Variants in DCTN5 observed in about 807,000 individuals in gnomAD.
DCTN5 encodes the protein dynactin subunit 5.
A neutral mutation model predicts 23.5 loss-of-function variants in DCTN5; 14 were observed. The observed-to-expected ratio is 0.60, with a 90% CI of 0.39 to 0.93. The LOEUF is 0.93. Ranked by LOEUF, DCTN5 falls within the 40% of genes least tolerant of loss-of-function variation. DCTN5 has a pLI of 0.00. For missense variants in DCTN5, 156 were observed against 225.9 expected, an observed-to-expected ratio of 0.69 and a Z score of 1.98; for synonymous variants, 67 against 79.6, an observed-to-expected ratio of 0.84 and a Z score of 0.84.
intron 2 of DCTN5, among the ~76,000 whole-genome samples, chr16:23,646,339 T>C (rs1328334229): frequency 6.6e-6 from 1 of 152,212 alleles, no homozygotes; most frequent in African/African-American, 2.4e-5. Flanking sequence ...TAAACACTTA[T>C]CAGATATATG....
In DCTN5 at chr16:23,669,220, T is replaced by C. The variant is rs1967961803; in HGVS notation, c.*2076T>C. 1 of 152,354 alleles carries C rather than the reference T, an allele frequency of 6.6e-6. No individual in the cohort carries two copies. Among genetic ancestry groups the C allele is most frequent in the South Asian group, 2.1e-4 (1 of 4,832 alleles). 9.4% of individuals were successfully genotyped at this position (152,354 alleles called of 1,614,324 possible). ...ACAACCAGATGGGAAGGACCTTGGTTGGGACTCTTTCCAGTTCACTTGGGG... is the reference window on the plus strand; with the variant it reads ...ACAACCAGATGGGAAGGACCTTGGTCGGGACTCTTTCCAGTTCACTTGGGG... On this transcript the variant is annotated 3_prime_UTR_variant, in exon 6 of 6. Coordinates refer to ENST00000300087, the MANE Select transcript of DCTN5 (RefSeq NM_032486.4).
chr16:23,661,322 C>T (rs1373320252), intron 4 of DCTN5, 41 bp downstream of exon 4: 1 of 1,414,452 alleles, frequency 7.1e-7, no homozygotes, highest in South Asian at 1.2e-5. Flanking sequence ...CTTCACTTTC[C>T]CTTCAGCTCC....
At chr16:23,652,883 C>A (rs1354965719) in intron 2 of DCTN5, among the ~76,000 whole-genome samples, 1 of 152,160 alleles carries the variant, frequency 6.6e-6, no homozygotes, top group Non-Finnish European at 1.5e-5. Flanking sequence ...TGGCCCACAC[C>A]TGTAATCCCA....
intron 1 of DCTN5, 116 bp from the exon 2 acceptor site, chr16:23,642,839 T>G: frequency 1.2e-6 from 1 of 846,050 alleles, no homozygotes; most frequent in Non-Finnish European, 2.0e-6. Flanking sequence ...CACTCCATTG[T>G]GGACAGCACC....
intron 2 of DCTN5, among the ~76,000 whole-genome samples, chr16:23,647,110 C>T (rs1284857458): frequency 6.9e-6 from 1 of 145,514 alleles, no homozygotes; most frequent in Non-Finnish European, 1.5e-5. Context: ...GTTTTGATTA[C>T]CATAGCTTTG....
Position 23,667,392 on chromosome 16 carries a change from T to G in DCTN5, c.*248T>G, listed in dbSNP as rs1231812290. 3 of 508,266 alleles carry G rather than the reference T, an allele frequency of 5.9e-6. No homozygotes were observed. The highest frequency in any genetic ancestry group is 1.1e-5 in the Non-Finnish European group (3 of 281,164). The allele number at this position is 508,266 out of a possible 1,614,324, so 31.5% of individuals were successfully genotyped here. A position where few individuals can be genotyped will look rare whatever the true frequency, so the allele number is the denominator to read the frequency against. On this transcript the variant is annotated 3_prime_UTR_variant, in exon 6 of 6. Coordinates refer to ENST00000300087, the MANE Select transcript of DCTN5 (RefSeq NM_032486.4). ...ACCTTATCTATGAACAGTCACTTTG[T>G]ACCATTATCTGTGGAACACAGAATC... is the stretch of plus-strand genomic sequence containing the variant.
Position 23,641,590 on chromosome 16 carries a change from G to A in DCTN5, c.48G>A (p.Thr16=). Residue 16 remains threonine (T), a splice_region_variant and synonymous_variant, in exon 1 of 6, where the codon ACG becomes ACA. Transcript: ENST00000300087. ...ACAACAAGTCTGAGTACATCGAGAC[G>A]GTGCGCGGGTCCAGATATGTATCCT... The part of the protein sequence containing the change: ...LLYNKSEYIE[T]ASGNKVSRQS... 1 of 1,613,928 alleles carries A rather than the reference G, an allele frequency of 6.2e-7. No homozygotes were observed. Among genetic ancestry groups the A allele is most frequent in the Non-Finnish European group, 8.5e-7 (1 of 1,179,864 alleles).
chr16:23,660,581 G>A (rs1033813046), intron 3 of DCTN5, among the ~76,000 whole-genome samples: 1 of 152,132 alleles, frequency 6.6e-6, no homozygotes, highest in Admixed American at 6.5e-5. Flanking sequence ...ACTTGATATT[G>A]TGTTTCTGTA....
At chr16:23,661,363 G>A in intron 4 of DCTN5, 82 bp downstream of exon 4, 2 of 981,314 alleles carry the variant, frequency 2.0e-6, no homozygotes, top group Non-Finnish European at 3.2e-6. Flanking sequence ...CCCTGTTTCT[G>A]TGACTAAGCA....
chr16:23,669,824 C>G lies in DCTN5; in HGVS notation c.*2680C>G, dbSNP rs150793928. ...GGGCAGGGGGAGGATATTGCCTAGC[C>G]AAAGTGGGTGTTCAATAAAGAACCA... On this transcript the variant is annotated 3_prime_UTR_variant, in exon 6 of 6. Transcript: ENST00000300087. 44 of 152,290 alleles carry G rather than the reference C, an allele frequency of 2.9e-4. No individual in the cohort carries two copies. The highest frequency in any genetic ancestry group is 1.0e-3 in the African/African-American group (42 of 41,544). The allele number at this position is 152,290 out of a possible 1,614,324, so 9.4% of individuals were successfully genotyped here. A position where few individuals can be genotyped will look rare whatever the true frequency, so the allele number is the denominator to read the frequency against.
intron 2 of DCTN5, 99 bp downstream of exon 2, chr16:23,643,122 A>G: frequency 2.3e-6 from 2 of 882,408 alleles, no homozygotes; most frequent in South Asian, 3.0e-5. Context: ...TCTCCTATTT[A>G]TTGTTTACAT....
chr16:23,641,748 G>A (rs919133999), intron 1 of DCTN5, among the ~76,000 whole-genome samples, 158 bp downstream of exon 1: 1 of 152,022 alleles, frequency 6.6e-6, no homozygotes, highest in Non-Finnish European at 1.5e-5. Context: ...TGGCTTTGCT[G>A]TTTACTCCGC....
At chr16:23,657,120 A>T (rs2140981993) in intron 2 of DCTN5, among the ~76,000 whole-genome samples, 1 of 152,280 alleles carries the variant, frequency 6.6e-6, no homozygotes, top group Non-Finnish European at 1.5e-5. Context: ...CCAGAGTAGT[A>T]GTAATAATAC....
Position 23,661,243 on chromosome 16 carries a change from A to G in DCTN5, c.310A>G (p.Ile104Val). ...EEDCVVNAAQ[I>V]GSYVHVGKNC... ...AGATTGTGTGGTCAACGCAGCACAG[A>G]TTGGTTCCTATGTTCATGTTGGGAA... Residue 104 changes from isoleucine to valine, a missense_variant, in exon 4 of 6, where the codon ATT (isoleucine) becomes GTT (valine). Ile to Val is a conservative substitution (Grantham distance 29). Transcript: ENST00000300087. The G allele has an allele frequency of 1.2e-6, 2 of 1,612,594 alleles. No individual in the cohort carries two copies. The highest frequency in any genetic ancestry group is 1.1e-5 in the South Asian group (1 of 90,612).
chr16:23,645,114 TATATA>T (rs1967413533), intron 2 of DCTN5, among the ~76,000 whole-genome samples: 4 of 40,722 alleles, frequency 9.8e-5, no homozygotes, highest in African/African-American at 4.1e-4. Context: ...TATATATATA[TATATA>T]TATATATATA....
At chr16:23,660,655 T>C (rs1465246587) in intron 3 of DCTN5, among the ~76,000 whole-genome samples, 1 of 152,238 alleles carries the variant, frequency 6.6e-6, no homozygotes, top group Non-Finnish European at 1.5e-5. Flanking sequence ...TGCAAGCTGC[T>C]CGTGGACAGT....
At chr16:23,648,228 T>A (rs572209227) in intron 2 of DCTN5, among the ~76,000 whole-genome samples, 8 of 152,116 alleles carry the variant, frequency 5.3e-5, no homozygotes, top group Admixed American at 1.3e-4. Context: ...CAATCATAGC[T>A]CACTGCAGCC....
chr16:23,664,050 C>T (rs1398448927), intron 4 of DCTN5, among the ~76,000 whole-genome samples: 1 of 152,190 alleles, frequency 6.6e-6, no homozygotes, highest in Non-Finnish European at 1.5e-5. Context: ...CTCAGTGCCT[C>T]ATGAACTTAG....
chr16:23,641,689 C>A, intron 1 of DCTN5, 99 bp downstream of exon 1: 1 of 1,270,760 alleles, frequency 7.9e-7, no homozygotes, highest in East Asian at 2.4e-5. Context: ...CAACCCCTGT[C>A]CCTTTGGCCA....
Sources: gnomAD v4.1 joint callset for allele counts (sites outside exome capture counted in the v4.1 genomes callset) on GRCh38, gnomAD v4.1.1 for gene constraint, MANE v1.5 for transcripts, NCBI Gene and HGNC (gene_info 2026-07-23, HGNC 2026-07-21) for gene names.